Variants in TASP1 observed in about 807,000 individuals in gnomAD.
The protein encoded by TASP1 is taspase 1, also known as threonine aspartase 1.
A neutral mutation model predicts 56.6 loss-of-function variants in TASP1; 16 were observed. The observed-to-expected ratio is 0.28, with a 90% CI of 0.19 to 0.43. TASP1 has a LOEUF of 0.43. Among genes scored for constraint, TASP1 ranks in the 20% least tolerant of loss-of-function variants. The pLI is 1.00. For synonymous variants in TASP1, 179 were observed against 184.2 expected, an observed-to-expected ratio of 0.97 and a Z score of 0.23; for missense variants, 393 against 511.6, an observed-to-expected ratio of 0.77 and a Z score of 2.24.
At chr20:13,504,861 T>G (rs1226522261) in intron 10 of TASP1, among the ~76,000 whole-genome samples, 3 of 151,988 alleles carry the variant, frequency 2.0e-5, no homozygotes, top group African/African-American at 7.2e-5. Context: ...CAGAAAGTCA[T>G]CAAATCACAA....
At chr20:13,554,586 G>A (rs2046094229) in intron 8 of TASP1, among the ~76,000 whole-genome samples, 1 of 151,530 alleles carries the variant, frequency 6.6e-6, no homozygotes, top group African/African-American at 2.4e-5. Flanking sequence ...TAAATTACAG[G>A]CATAACTTGG....
chr20:13,596,552 A>G (rs1341244497), intron 4 of TASP1, among the ~76,000 whole-genome samples: 1 of 152,208 alleles, frequency 6.6e-6, no homozygotes, highest in African/African-American at 2.4e-5. Flanking sequence ...GGAAATTTAT[A>G]GCACTAAATG....
chr20:13,108,600 A>C, the TASP1 span, among the ~76,000 whole-genome samples: 1 of 151,996 alleles, frequency 6.6e-6, no homozygotes, highest in Non-Finnish European at 1.5e-5. Flanking sequence ...TTTGAGACAG[A>C]GTCTCGTTCT....
chr20:13,464,402 A>G (rs1384141770), intron 11 of TASP1, among the ~76,000 whole-genome samples: 1 of 152,168 alleles, frequency 6.6e-6, no homozygotes, highest in Non-Finnish European at 1.5e-5. Context: ...TTGGACTTCT[A>G]GCCTCCTTAA....
intron 13 of TASP1, among the ~76,000 whole-genome samples, chr20:13,391,742 C>A (rs1028238728): frequency 6.6e-6 from 1 of 151,794 alleles, no homozygotes; most frequent in African/African-American, 2.4e-5. Context: ...CCGAGGCGGG[C>A]AGATCACGAG....
the TASP1 span, among the ~76,000 whole-genome samples, chr20:13,287,064 G>A: frequency 3.4e-5 from 5 of 147,850 alleles, no homozygotes; most frequent in South Asian, 8.8e-4. Context: ...CTTGAACCAG[G>A]CATCCTACCA....
intron 11 of TASP1, among the ~76,000 whole-genome samples, chr20:13,474,967 T>C (rs2044668421): frequency 6.6e-6 from 1 of 152,204 alleles, no homozygotes; most frequent in Non-Finnish European, 1.5e-5. Context: ...GGTCTACTTT[T>C]TGATAGGATT....
At chr20:13,479,908 A>G (rs539611263) in intron 11 of TASP1, among the ~76,000 whole-genome samples, 34 of 152,308 alleles carry the variant, frequency 2.2e-4, no homozygotes, top group African/African-American at 7.9e-4. Context: ...CTCCTTTTAC[A>G]TATGAGGAAA....
chr20:13,309,112 T>C, the TASP1 span, among the ~76,000 whole-genome samples: 2 of 152,120 alleles, frequency 1.3e-5, no homozygotes, highest in African/African-American at 2.4e-5. Flanking sequence ...ATTTTAATAA[T>C]TTAAAACTCA....
chr20:13,510,826 A>G (rs1458379471), intron 10 of TASP1, among the ~76,000 whole-genome samples: 2 of 152,164 alleles, frequency 1.3e-5, no homozygotes, highest in African/African-American at 4.8e-5. Flanking sequence ...AACAAATGCT[A>G]ACTACTGTTA....
intron 10 of TASP1, among the ~76,000 whole-genome samples, chr20:13,520,477 C>G (rs113707626): frequency 7.9e-5 from 12 of 152,256 alleles, no homozygotes; most frequent in African/African-American, 2.9e-4. Context: ...CACATATCTA[C>G]AACCATCTGG....
At chr20:13,125,202 AG>A in the TASP1 span, among the ~76,000 whole-genome samples, 1 of 152,174 alleles carries the variant, frequency 6.6e-6, no homozygotes. Flanking sequence ...GGAGCTTCTT[AG>A]GGCTTTCAGC....
At chr20:13,361,600 G>GCT in the TASP1 span, among the ~76,000 whole-genome samples, 1 of 151,982 alleles carries the variant, frequency 6.6e-6, no homozygotes, top group Admixed American at 6.6e-5. Context: ...CTGTATAGAC[G>GCT]CCTTTTTATT....
the TASP1 span, among the ~76,000 whole-genome samples, chr20:13,264,659 C>G: frequency 1.3e-5 from 2 of 152,196 alleles, no homozygotes; most frequent in Non-Finnish European, 2.9e-5. Context: ...ACCTTGGTCA[C>G]AAACACAGCC....
chr20:13,155,692 G>A, the TASP1 span, among the ~76,000 whole-genome samples: 2 of 151,734 alleles, frequency 1.3e-5, no homozygotes, highest in African/African-American at 4.8e-5. Flanking sequence ...CGGGCGTGGT[G>A]GTGGGTGCCT....
chr20:13,321,275 A>AAAAAAAAAAAAAAAAAAAAAT, the TASP1 span, among the ~76,000 whole-genome samples: 2 of 150,522 alleles, frequency 1.3e-5, no homozygotes, highest in African/African-American at 4.9e-5. Flanking sequence ...AAAAAAAAAA[A>AAAAAAAAAAAAAAAAAAAAAT]AGATTTTATG....
chr20:13,582,077 G>T (rs1601331738), intron 5 of TASP1, among the ~76,000 whole-genome samples: 1 of 127,704 alleles, frequency 7.8e-6, no homozygotes, highest in Non-Finnish European at 1.7e-5. Context: ...ACCAATTGTA[G>T]AAATGTAGCT....
At chr20:13,251,463 G>C in the TASP1 span, among the ~76,000 whole-genome samples, 2 of 152,130 alleles carry the variant, frequency 1.3e-5, no homozygotes, top group Admixed American at 1.3e-4. Flanking sequence ...CCCAGAATGG[G>C]AGAAAGTCCA....
the TASP1 span, among the ~76,000 whole-genome samples, chr20:13,355,647 G>A: frequency 1.3e-5 from 2 of 152,300 alleles, no homozygotes; most frequent in Non-Finnish European, 2.9e-5. Context: ...CTCCAACACT[G>A]GTATGTCAAG....
Sources: gnomAD v4.1 joint callset for allele counts (sites outside exome capture counted in the v4.1 genomes callset) on GRCh38, gnomAD v4.1.1 for gene constraint, MANE v1.5 for transcripts, NCBI Gene and HGNC (gene_info 2026-07-23, HGNC 2026-07-21) for gene names.